CSMD1: variants seen among roughly 807,000 people sequenced by gnomAD.
CSMD1 encodes CUB and sushi domain-containing protein 1.
Under a neutral mutation model 417.5 loss-of-function variants are expected in CSMD1, and 213 were observed. That is an observed-to-expected ratio of 0.51 (90% CI 0.46 to 0.57). CSMD1 has a LOEUF of 0.57. CSMD1 is among the 20% of genes least tolerant of loss of function. The pLI, the probability that CSMD1 is intolerant of heterozygous loss-of-function variation, is 0.00. For missense variants in CSMD1, 6,923 were observed against 4,529.7 expected (o/e 1.53, Z -15.17); for synonymous variants, 2,862 against 1,736.8 (o/e 1.65, Z -16.11).
chr8:3,361,218 A>T lies in CSMD1; in HGVS notation c.3116-1878T>A, dbSNP rs117170293. 1.6e-3 allele frequency among the ~76,000 whole-genome samples: 251 copies of T among 152,340 alleles called. 3 individuals are homozygous for T. The East Asian group carries it at 0.032, about 20-fold the overall frequency. ...TTACTTTTTAGAACATATTAAAATA[A>T]AGATGTCACAATTCAGATAATATTA... On this transcript the variant is annotated intron_variant, in intron 20 of 69. Coordinates refer to ENST00000635120, the MANE Select transcript of CSMD1 (RefSeq NM_033225.6).
At chr8:3,263,637 C>A (rs986061727) in intron 26 of CSMD1, among the ~76,000 whole-genome samples, 2 of 152,084 alleles carry the variant, frequency 1.3e-5, no homozygotes, top group Non-Finnish European at 2.9e-5. Flanking sequence ...AGATTGATAA[C>A]ATATAGTTAC....
intron 3 of CSMD1, among the ~76,000 whole-genome samples, chr8:4,318,013 C>T (rs1799034981): frequency 6.6e-6 from 1 of 152,062 alleles, no homozygotes; most frequent in Admixed American, 6.6e-5. Flanking sequence ...CAATTAGAAT[C>T]CAGGAGTAAT....
intron 5 of CSMD1, among the ~76,000 whole-genome samples, chr8:3,910,535 A>C (rs150903844): frequency 1.3e-5 from 2 of 152,358 alleles, no homozygotes; most frequent in African/African-American, 4.8e-5. Context: ...GTCAGATTCA[A>C]ATGGTGCCTT....
chr8:3,308,992 G>A (rs1805112496), intron 23 of CSMD1, among the ~76,000 whole-genome samples: 1 of 152,070 alleles, frequency 6.6e-6, no homozygotes. Context: ...CCAAAGTGCT[G>A]GGATTACAGG....
rs187327723 is a variant in CSMD1 at position 4,308,021 on chromosome 8, A to G, written c.415+111932T>C. 1.0e-3 allele frequency among the ~76,000 whole-genome samples: 155 copies of G among 152,314 alleles called. 1 individual carries two copies. Among genetic ancestry groups the G allele is most frequent in the Admixed American group, 1.9e-3 (29 of 15,300 alleles). On this transcript the variant is annotated intron_variant, in intron 3 of 69. Transcript: ENST00000635120. The stretch of plus-strand genomic sequence containing the variant: ...GGATGTAAACAGTGATGGTGGGCAT[A>G]CTACAGAGCAACGCCAGACATGGAT...
rs184776030 is a variant in CSMD1 at position 3,313,779 on chromosome 8, C to G, written c.3632-5276G>C. 2.1e-4 allele frequency among the ~76,000 whole-genome samples: 32 copies of G among 152,234 alleles called. No homozygotes were observed. The East Asian group carries it at 6.0e-3, about 29-fold the overall frequency. On this transcript the variant is annotated intron_variant, in intron 23 of 69. Coordinates refer to ENST00000635120, the MANE Select transcript of CSMD1 (RefSeq NM_033225.6). ...GCCATCCCATTACTGGGTATATACT[C>G]AAAGGATTATAAATCATGCTTCTAT...
At chr8:4,575,185 C>T (rs1261927754) in intron 2 of CSMD1, among the ~76,000 whole-genome samples, 2 of 152,192 alleles carry the variant, frequency 1.3e-5, no homozygotes, top group African/African-American at 4.8e-5. Flanking sequence ...TATCTTATCA[C>T]TTGACCTCTT....
chr8:3,635,565 G>T (rs896918678), intron 7 of CSMD1, among the ~76,000 whole-genome samples: 2 of 148,010 alleles, frequency 1.4e-5, no homozygotes, highest in South Asian at 4.3e-4. Flanking sequence ...CTCACTGCAA[G>T]CTACACATCC....
At chr8:3,529,788 CTG>C (rs1797902158) in intron 10 of CSMD1, among the ~76,000 whole-genome samples, 1 of 152,074 alleles carries the variant, frequency 6.6e-6, no homozygotes, top group South Asian at 2.1e-4. Context: ...GTTTCCTCTT[CTG>C]AGCAATCCCT....
chr8:3,950,624 C>A (rs73509615), intron 5 of CSMD1, among the ~76,000 whole-genome samples: 6 of 152,158 alleles, frequency 3.9e-5, no homozygotes, highest in Non-Finnish European at 8.8e-5. Context: ...TCAGCAGGAA[C>A]GTGTTTGATC....
At chr8:3,518,061 G>C (rs573723335) in intron 10 of CSMD1, among the ~76,000 whole-genome samples, 18 of 151,970 alleles carry the variant, frequency 1.2e-4, no homozygotes, top group African/African-American at 4.1e-4. Flanking sequence ...TCAGATTCAA[G>C]TGTTTAGAAA....
intron 5 of CSMD1, among the ~76,000 whole-genome samples, chr8:3,865,111 G>A (rs954524928): frequency 3.9e-5 from 6 of 152,140 alleles, no homozygotes; most frequent in African/African-American, 1.4e-4. Flanking sequence ...CACTATTCTG[G>A]CCTCACTTTC....
intron 3 of CSMD1, among the ~76,000 whole-genome samples, chr8:4,095,830 T>C (rs1031031087): frequency 2.0e-5 from 3 of 152,240 alleles, no homozygotes; most frequent in African/African-American, 4.8e-5. Flanking sequence ...TGTTTTTGCA[T>C]TGGAATGTAT....
Position 4,510,505 on chromosome 8 carries a change from G to C in CSMD1, c.303-90440C>G, listed in dbSNP as rs116789593. ...CCTCTTCTACCTCAGATAATAATTA[G>C]CTTCATGAACTTAGGTGAGTCTCTT... On this transcript the variant is annotated intron_variant, in intron 2 of 69. Coordinates refer to ENST00000635120, the MANE Select transcript of CSMD1 (RefSeq NM_033225.6). Among the ~76,000 whole-genome samples the C allele has an allele frequency of 8.4e-3, 1,222 of 146,328 alleles. 20 individuals are homozygous for C. The highest frequency in any genetic ancestry group is 0.03 in the African/African-American group (1,163 of 39,262).
chr8:3,593,127 C>A (rs914944853), intron 8 of CSMD1, among the ~76,000 whole-genome samples: 1 of 152,218 alleles, frequency 6.6e-6, no homozygotes, highest in African/African-American at 2.4e-5. Context: ...GAACTTGTCA[C>A]TGGAGCTGTG....
intron 6 of CSMD1, among the ~76,000 whole-genome samples, chr8:3,721,588 C>T (rs1171132230): frequency 6.6e-6 from 1 of 152,194 alleles, no homozygotes; most frequent in Non-Finnish European, 1.5e-5. Flanking sequence ...CAGGTTCAAA[C>T]TTATTTTCTC....
intron 3 of CSMD1, among the ~76,000 whole-genome samples, chr8:4,361,522 G>C (rs1801762033): frequency 1.3e-5 from 2 of 152,146 alleles, no homozygotes; most frequent in Admixed American, 6.6e-5. Context: ...TGCAAGATCA[G>C]GTAACGACCA....
Position 4,735,954 on chromosome 8 carries a change from T to C in CSMD1, c.86-98396A>G, listed in dbSNP as rs1405208655. Among the ~76,000 whole-genome samples the C allele has an allele frequency of 1.3e-5, 2 of 152,168 alleles. 1 individual carries two copies. The highest frequency in any genetic ancestry group is 2.9e-5 in the Non-Finnish European group (2 of 68,018). Reference sequence around the variant, plus strand: ...CACCGGTTGCAACATAAAAATGTTATCCTATTTAACACTTTCCTGAACTGA... The same window carrying C: ...CACCGGTTGCAACATAAAAATGTTACCCTATTTAACACTTTCCTGAACTGA... On this transcript the variant is annotated intron_variant, in intron 1 of 69. Coordinates refer to ENST00000635120, the MANE Select transcript of CSMD1 (RefSeq NM_033225.6).
At chr8:4,905,558 A>T (rs28712696) in intron 1 of CSMD1, among the ~76,000 whole-genome samples, 2 of 151,978 alleles carry the variant, frequency 1.3e-5, no homozygotes, top group Non-Finnish European at 2.9e-5. Context: ...AGTGGCTCAC[A>T]TCTGTAATCC....
Sources: gnomAD v4.1 joint callset for allele counts (sites outside exome capture counted in the v4.1 genomes callset) on GRCh38, gnomAD v4.1.1 for gene constraint, MANE v1.5 for transcripts, NCBI Gene and HGNC (gene_info 2026-07-23, HGNC 2026-07-21) for gene names.